The following DENND1B variants were observed in gnomAD, a reference collection of about 807,000 sequenced individuals.
DENND1B encodes the protein DENN domain containing 1B, also known as DENN domain-containing protein 1B.
Under a neutral mutation model 90.1 loss-of-function variants are expected in DENND1B, and 59 were observed. The observed-to-expected ratio is 0.65, with a 90% confidence interval of 0.53 to 0.81. DENND1B has a LOEUF of 0.81. DENND1B is among the 40% of genes least tolerant of loss of function. DENND1B has a pLI of 0.00. For synonymous variants in DENND1B, 337 were observed against 324.6 expected (o/e 1.04, Z -0.41); for missense variants, 862 against 912.6 (o/e 0.94, Z 0.71).
chr1:197,589,493 A>G (rs1674997152), intron 14 of DENND1B, among the ~76,000 whole-genome samples: 1 of 152,192 alleles, frequency 6.6e-6, no homozygotes, highest in South Asian at 2.1e-4. Context: ...TTTAGTAACC[A>G]TAAAACTGTG....
At chr1:197,697,250 G>C (rs1175547028) in intron 3 of DENND1B, among the ~76,000 whole-genome samples, 2 of 151,334 alleles carry the variant, frequency 1.3e-5, no homozygotes, top group African/African-American at 4.8e-5. Context: ...TGATAGCAGG[G>C]GATTTTTTTT....
At chr1:197,628,824 T>G (rs1679043935) in intron 10 of DENND1B, among the ~76,000 whole-genome samples, 1 of 151,346 alleles carries the variant, frequency 6.6e-6, no homozygotes, top group South Asian at 2.1e-4. Context: ...TCAAACAAAT[T>G]TACAAGAAAA....
intron 15 of DENND1B, among the ~76,000 whole-genome samples, chr1:197,559,636 A>G (rs971198013): frequency 2.0e-5 from 3 of 151,988 alleles, no homozygotes; most frequent in African/African-American, 7.2e-5. Context: ...AAAAATAAAT[A>G]CAGTAAAAAA....
chr1:197,654,559 G>A (rs980550902), intron 6 of DENND1B, among the ~76,000 whole-genome samples: 3 of 151,664 alleles, frequency 2.0e-5, no homozygotes, highest in Non-Finnish European at 2.9e-5. Context: ...GCAGCGAGCC[G>A]AGATCGCACC....
chr1:197,546,337 G>T (rs79272041), intron 17 of DENND1B, among the ~76,000 whole-genome samples: 1 of 151,896 alleles, frequency 6.6e-6, no homozygotes, highest in Admixed American at 6.6e-5. Context: ...TTTTAATATC[G>T]GGCAAATAAA....
At chr1:197,677,237 T>C (rs995390875) in intron 3 of DENND1B, among the ~76,000 whole-genome samples, 7 of 152,144 alleles carry the variant, frequency 4.6e-5, no homozygotes, top group African/African-American at 1.4e-4. Flanking sequence ...CTCAGTAAGA[T>C]ATACCTGTAA....
rs555298787 is a variant in DENND1B, at chr1:197,595,469, T to C, written c.922-136A>G. ...CCTCCTCCCTGATAGCTTATCTTTT[T>C]AACTGCAGAGAGCACCTGCTGGTCT... On this transcript the variant is annotated intron_variant, in intron 13 of 22. Transcript: ENST00000620048. 1.5e-4 allele frequency: 164 copies of C among 1,101,444 alleles called. No individual in the cohort carries two copies. The Middle Eastern group carries it at 2.3e-3, about 15-fold the overall frequency. The allele number at this position is 1,101,444 out of a possible 1,614,324, so 68.2% of individuals were successfully genotyped here.
intron 3 of DENND1B, among the ~76,000 whole-genome samples, chr1:197,714,644 T>C (rs1052667379): frequency 6.6e-6 from 1 of 152,196 alleles, no homozygotes; most frequent in African/African-American, 2.4e-5. Flanking sequence ...CACTTATTTA[T>C]GGCAGTAACG....
chr1:197,510,548 T>C lies in DENND1B; in HGVS notation c.2240A>G (p.His747Arg). ...KETSEDIGLLHEVVSLCHMTS... is the reference protein window; with the variant it reads ...KETSEDIGLLREVVSLCHMTS... ...CATATGACATAATGACACTACTTCA[T>C]GGAGCAGTCCAATATCTTCTGAAGT... The change falls in exon 23 of 23, where the codon CAT becomes CGT. Residue 747 changes from histidine to arginine, a missense_variant. Coordinates refer to ENST00000620048, the MANE Select transcript of DENND1B (RefSeq NM_001195215.2). The C allele has an allele frequency of 3.1e-6, 5 of 1,612,662 alleles. No individual in the cohort carries two copies. Among genetic ancestry groups the C allele is most frequent in the Non-Finnish European group, 4.2e-6 (5 of 1,179,142 alleles).
At chr1:197,641,460 A>G (rs892335781) in intron 10 of DENND1B, among the ~76,000 whole-genome samples, 1 of 152,148 alleles carries the variant, frequency 6.6e-6, no homozygotes, top group Non-Finnish European at 1.5e-5. Context: ...ACTAGCACTT[A>G]TTCTCTGATA....
chr1:197,557,246 A>G (rs941790241), intron 15 of DENND1B, among the ~76,000 whole-genome samples: 4 of 152,074 alleles, frequency 2.6e-5, no homozygotes, highest in Admixed American at 2.6e-4. Flanking sequence ...AATAAAGTGA[A>G]AGCAAAATGA....
rs146346046 is a variant in DENND1B, at chr1:197,684,371, C to T, written c.127-10202G>A. ...AGCCTGAAGCTTCAAACCATTATGC[C>T]CCAACCCTATGTATTTTTTTACATT... On this transcript the variant is annotated intron_variant, in intron 3 of 22. Transcript: ENST00000620048. Among the ~76,000 whole-genome samples, 1,165 of 152,174 alleles carry T rather than the reference C, an allele frequency of 7.7e-3. 9 individuals are homozygous for T. Among genetic ancestry groups the T allele is most frequent in the Non-Finnish European group, 9.6e-3 (655 of 67,996 alleles).
rs1410174988 is a variant in DENND1B at position 197,652,249 on chromosome 1, C to T, written c.433G>A (p.Val145Ile). Reference protein sequence around the residue: ...NHPVPKANTPVNLSVNQEIFI... With the variant: ...NHPVPKANTPINLSVNQEIFI... ...TGAATACTTACCACACTCAAATTTA[C>T]AGGAGTATTTGCCTTTGGTACTGGG... The change falls in exon 7 of 23, where the codon GTA becomes ATA. Residue 145 changes from valine (V) to isoleucine (I), a missense_variant. Transcript: ENST00000620048. 3.1e-6 allele frequency: 5 copies of T among 1,610,072 alleles called. No homozygotes were observed. The African/African-American group carries it at 6.7e-5, about 22-fold the overall frequency.
intron 10 of DENND1B, among the ~76,000 whole-genome samples, chr1:197,619,276 A>G (rs1406917781): frequency 1.3e-5 from 2 of 151,230 alleles, no homozygotes; most frequent in Non-Finnish European, 3.0e-5. Context: ...GGATTTATTT[A>G]TGTTACAAAC....
chr1:197,617,665 T>C lies in DENND1B; in HGVS notation c.767A>G (p.Tyr256Cys), dbSNP rs762933089. 5 of 1,605,072 alleles carry C rather than the reference T, an allele frequency of 3.1e-6. No individual in the cohort carries two copies. The African/African-American group carries it at 4.0e-5, about 13-fold the overall frequency. Residue 256 changes from tyrosine (Y) to cysteine (C), a missense_variant, in exon 11 of 23, where the codon TAC becomes TGC. Physicochemically the swap from Tyr to Cys is radical, Grantham distance 194 (BLOSUM62 -2). Transcript: ENST00000620048. ...IPVLPPHLLD[Y>C]CCAPMPYLIG... Reference sequence around the variant, plus strand: ...CTGGCAAAAGCCAGCTTACCAGCAGTAGTCCAGCAGGTGTGGAGGAAGCAC... The same window carrying C: ...CTGGCAAAAGCCAGCTTACCAGCAGCAGTCCAGCAGGTGTGGAGGAAGCAC...
intron 5 of DENND1B, 101 bp from the exon 6 acceptor site, chr1:197,658,470 G>T (rs1330436658): frequency 2.5e-6 from 2 of 802,702 alleles, no homozygotes; most frequent in East Asian, 2.8e-5. Context: ...GGTTAATCCT[G>T]GAGGTCAAAA....
intron 8 of DENND1B, 142 bp downstream of exon 8, chr1:197,646,913 A>G: frequency 1.8e-6 from 1 of 569,806 alleles, no homozygotes. Flanking sequence ...AAAATATTAT[A>G]TATTCCAAAT....
At chr1:197,573,619 G>C (rs1042227766) in intron 15 of DENND1B, among the ~76,000 whole-genome samples, 1 of 152,124 alleles carries the variant, frequency 6.6e-6, no homozygotes, top group African/African-American at 2.4e-5. Context: ...GTATCGTCTG[G>C]ATACCAAAGC....
chr1:197,520,952 TA>T (rs1429258899), intron 20 of DENND1B, among the ~76,000 whole-genome samples: 2 of 151,812 alleles, frequency 1.3e-5, no homozygotes, highest in Non-Finnish European at 2.9e-5. Context: ...GAAAAGGTAC[TA>T]AACTAATGAA....
Sources: gnomAD v4.1 joint callset for allele counts (sites outside exome capture counted in the v4.1 genomes callset) on GRCh38, gnomAD v4.1.1 for gene constraint, MANE v1.5 for transcripts, NCBI Gene and HGNC (gene_info 2026-07-23, HGNC 2026-07-21) for gene names.